Variants in ACADVL observed in about 807,000 individuals in gnomAD.
ACADVL encodes acyl-CoA dehydrogenase very long chain, also known as very long-chain acyl-CoA dehydrogenase, mitochondrial.
In ACADVL, 73 loss-of-function variants were observed where a neutral mutation model predicts 80.4. That is an observed-to-expected ratio of 0.91 (90% confidence interval 0.75 to 1.10). The LOEUF is 1.10. Ranked by LOEUF, ACADVL falls within the 50% of genes least tolerant of loss-of-function variation. The probability of loss-of-function intolerance (pLI) is 0.00; values close to 1 mark genes in which losing one functional copy is unlikely to be tolerated. For missense variants in ACADVL, 878 were observed against 858.9 expected (o/e 1.02, Z -0.28); for synonymous variants, 392 against 326.5 (o/e 1.20, Z -2.16).
At chr17:7,219,574 T>C (rs2071085361), upstream of ACADVL, 1 of 1,122,584 alleles carries the variant, frequency 8.9e-7, no homozygotes, top group African/African-American at 1.6e-5. Context: ...TCCATGTCTC[T>C]GCCTCTGCCA....
chr17:7,224,397 A>C lies in ACADVL; in HGVS notation c.1605+4A>C. On this transcript the variant is annotated splice_donor_region_variant and intron_variant, in intron 16 of 19. Transcript: ENST00000356839. ...GTTGAGTCGGAGTGGCGAGCTGGTA[A>C]GTGGCCAGGGGTCCAGGAGAGCCTG... 6.2e-7 allele frequency: 1 copy of C among 1,613,722 alleles called. No homozygotes were observed. The highest frequency in any genetic ancestry group is 8.5e-7 in the Non-Finnish European group (1 of 1,179,856).
intron 9 of ACADVL, 106 bp downstream of exon 9, chr17:7,222,408 A>AG (rs2071275248): frequency 1.3e-6 from 2 of 1,501,170 alleles, no homozygotes; most frequent in Non-Finnish European, 1.8e-6. Flanking sequence ...AAGCCAAAGC[A>AG]GGTGGACTGA....
At chr17:7,218,320 G>A (rs2071028833), upstream of ACADVL, 10 of 1,584,642 alleles carry the variant, frequency 6.3e-6, no homozygotes, top group Non-Finnish European at 8.6e-6. Context: ...CCCCACCCCA[G>A]GCCTCTCCAG....
At chr17:7,218,662 G>T, upstream of ACADVL, 1 of 1,554,454 alleles carries the variant, frequency 6.4e-7, no homozygotes, top group South Asian at 1.2e-5. Flanking sequence ...AAGGAGAATT[G>T]GGACAGGGAA....
Position 7,224,575 on chromosome 17 carries a change from C to T in ACADVL, c.1678+23C>T, listed in dbSNP as rs147546456. 1.8e-3 allele frequency: 2,887 copies of T among 1,608,400 alleles called. 2 individuals carry two copies. Among genetic ancestry groups the T allele is most frequent in the Non-Finnish European group, 2.0e-3 (2,413 of 1,179,598 alleles). On this transcript the variant is annotated intron_variant, in intron 17 of 19. Coordinates refer to ENST00000356839, the MANE Select transcript of ACADVL (RefSeq NM_000018.4). ...TCAGTAAGTGAGCTCTACACCATTC[C>T]GCCCCTCCCTTTCCTCTCCTTGAGA... is the stretch of plus-strand genomic sequence containing the variant.
In ACADVL at chr17:7,222,684, A is replaced by T. The variant is rs771247610; in HGVS notation, c.896A>T (p.Lys299Met). The change falls in exon 10 of 20, where the codon AAG becomes ATG. Residue 299 changes from lysine (K) to methionine (M), a missense_variant. Transcript: ENST00000356839. ...TGACACAGTGGGCCCCCTGAGAAGA[A>T]GATGGGCATCAAGGCTTCAAACACA... ...GGITHGPPEK[K>M]MGIKASNTAE... The T allele has an allele frequency of 5.0e-6, 8 of 1,613,902 alleles. No homozygotes were observed. The highest frequency in any genetic ancestry group is 4.0e-5 in the African/African-American group (3 of 74,904).
upstream of ACADVL, chr17:7,219,273 G>A: frequency 9.5e-6 from 5 of 527,904 alleles, no homozygotes; most frequent in Non-Finnish European, 1.3e-5. Flanking sequence ...GTTCCTCTCA[G>A]GCCCGGGAGG....
chr17:7,220,743 A>G (rs757508022), intron 4 of ACADVL, 23 bp from the exon 5 acceptor site: 1 of 1,614,192 alleles, frequency 6.2e-7, no homozygotes, highest in East Asian at 2.2e-5. Context: ...TGGCCTGACC[A>G]GCCTGTCCCC....
Position 7,221,982 on chromosome 17 carries a change from A to G in ACADVL, c.653A>G (p.Glu218Gly). 1 of 1,614,012 alleles carries G rather than the reference A, an allele frequency of 6.2e-7. No individual in the cohort carries two copies. Among genetic ancestry groups the G allele is most frequent in the Non-Finnish European group, 8.5e-7 (1 of 1,180,000 alleles). Reference sequence around the variant, plus strand: ...ACTGTGGCCGCTTTCTGTCTAACCGAGCCCTCAAGCGGGTCAGATGCAGCC... The same window carrying G: ...ACTGTGGCCGCTTTCTGTCTAACCGGGCCCTCAAGCGGGTCAGATGCAGCC... Reference protein sequence around the residue: ...GETVAAFCLTEPSSGSDAASI... With the variant: ...GETVAAFCLTGPSSGSDAASI... Residue 218 changes from glutamate (E) to glycine (G), a missense_variant, in exon 8 of 20, where the codon GAG (glutamate) becomes GGG (glycine). Transcript: ENST00000356839.
At chr17:7,221,115 G>C in intron 6 of ACADVL, 57 bp downstream of exon 6, 1 of 1,610,610 alleles carries the variant, frequency 6.2e-7, no homozygotes, top group Non-Finnish European at 8.5e-7. Flanking sequence ...GGCAGACTCA[G>C]CTCTTTTGCC....
chr17:7,219,913 C>G (rs117559220), upstream of ACADVL: 1 of 677,064 alleles, frequency 1.5e-6, no homozygotes, highest in Non-Finnish European at 2.1e-6. Flanking sequence ...GTTAGGGGCG[C>G]CAGGACGTGG....
rs2071236259 is a variant in ACADVL at position 7,221,700 on chromosome 17, GA to G, written c.622+19del. 1 of 1,613,382 alleles carries G rather than the reference GA, an allele frequency of 6.2e-7. No individual in the cohort carries two copies. Among genetic ancestry groups the G allele is most frequent in the Non-Finnish European group, 8.5e-7 (1 of 1,180,000 alleles). On this transcript the variant is annotated intron_variant, in intron 7 of 19. Coordinates refer to ENST00000356839, the MANE Select transcript of ACADVL (RefSeq NM_000018.4). ...GGCATCTGGTGAGGCAACCCTAGGAGAGCCAGGGATTGGGGGGCACACTGGG... is the reference window on the plus strand; with the variant it reads ...GGCATCTGGTGAGGCAACCCTAGGAGGCCAGGGATTGGGGGGCACACTGGG...
At chr17:7,217,857 T>C (rs2142946945), upstream of ACADVL, 1 of 1,524,176 alleles carries the variant, frequency 6.6e-7, no homozygotes, top group East Asian at 2.5e-5. Context: ...CATCTATAGT[T>C]GGGCTGGGAG....
upstream of ACADVL, chr17:7,218,343 T>G (rs2071030596): frequency 6.5e-7 from 1 of 1,539,932 alleles, no homozygotes; most frequent in South Asian, 1.2e-5. Context: ...ACATCACCCC[T>G]GTCATCACCG....
chr17:7,217,834 T>C (rs1304037135), upstream of ACADVL: 11 of 1,533,592 alleles, frequency 7.2e-6, no homozygotes, highest in African/African-American at 1.4e-5. Flanking sequence ...ATTTCATTTC[T>C]TAGAGAAGGA....
chr17:7,219,447 C>T (rs2071080669), upstream of ACADVL: 7 of 1,025,162 alleles, frequency 6.8e-6, no homozygotes, highest in Non-Finnish European at 8.2e-6. Flanking sequence ...GAATGGCCTA[C>T]ATCTCAGAAG....
upstream of ACADVL, chr17:7,218,285 T>C (rs1487383508): frequency 6.2e-7 from 1 of 1,608,532 alleles, no homozygotes; most frequent in Non-Finnish European, 8.5e-7. Context: ...AGGATGTCTG[T>C]CACAGGAACA....
chr17:7,222,537 TG>T (rs2071280030), intron 9 of ACADVL, 129 bp from the exon 10 acceptor site: 1 of 1,178,894 alleles, frequency 8.5e-7, no homozygotes, highest in Non-Finnish European at 1.2e-6. Context: ...TGAGGGGAAG[TG>T]GTGGCTGTAG....
chr17:7,221,742 G>A (rs914532751), intron 7 of ACADVL, 60 bp downstream of exon 7: 46 of 1,611,248 alleles, frequency 2.9e-5, no homozygotes, highest in Non-Finnish European at 3.6e-5. Context: ...CACAGATTAG[G>A]CCAGTTGGCA....
Sources: gnomAD v4.1 joint callset for allele counts on GRCh38, gnomAD v4.1.1 for gene constraint, MANE v1.5 for transcripts, NCBI Gene and HGNC (gene_info 2026-07-23, HGNC 2026-07-21) for gene names.